Variants in DCDC2C observed in about 807,000 individuals in gnomAD.
DCDC2C encodes doublecortin domain containing 2C.
In DCDC2C, 44 loss-of-function variants were observed where a neutral mutation model predicts 45.0. The ratio of observed to expected loss-of-function variants is 0.98; its 90% CI spans 0.77 to 1.26. DCDC2C has a LOEUF of 1.26. DCDC2C is among the 50% of genes most tolerant of loss of function. The pLI, the probability that DCDC2C is intolerant of heterozygous loss-of-function variation, is 0.00. For synonymous variants in DCDC2C, 187 were observed against 178.8 expected, an observed-to-expected ratio of 1.05 and a Z score of -0.37; for missense variants, 447 against 468.9, an observed-to-expected ratio of 0.95 and a Z score of 0.43.
intron 9 of DCDC2C, among the ~76,000 whole-genome samples, chr2:3,784,749 G>GT (rs1670606679): frequency 6.6e-6 from 1 of 152,004 alleles, no homozygotes; most frequent in East Asian, 1.9e-4. Context: ...GTTATATTAA[G>GT]TGAAAAAAAA....
chr2:3,762,916 G>A (rs532613997), intron 6 of DCDC2C, among the ~76,000 whole-genome samples: 98 of 152,240 alleles, frequency 6.4e-4, no homozygotes, highest in African/African-American at 2.2e-3. Flanking sequence ...AACAGCAAGC[G>A]TGTGTGAGGC....
intron 2 of DCDC2C, among the ~76,000 whole-genome samples, chr2:3,719,249 T>C (rs1668429776): frequency 6.6e-6 from 1 of 152,096 alleles, no homozygotes; most frequent in South Asian, 2.1e-4. Context: ...CCATGCCAGC[T>C]AATTTTTTTG....
rs1486047534 is a variant in DCDC2C, at chr2:3,704,753, G to A, written c.287+715G>A. On this transcript the variant is annotated intron_variant, in intron 1 of 10. Coordinates refer to ENST00000399143, the MANE Select transcript of DCDC2C (RefSeq NM_001287444.2). ...GGGAGGGGCGTGGGGGGCAGGGCCT[G>A]GGAATGGGGCGGGTTGGGCAGTTCC... is the stretch of plus-strand genomic sequence containing the variant. Among the ~76,000 whole-genome samples, 3 of 148,468 alleles carry A rather than the reference G, an allele frequency of 2.0e-5. 1 individual carries two copies. The South Asian group carries it at 6.6e-4, about 33-fold the overall frequency.
chr2:3,723,707 G>A (rs1668557619), intron 2 of DCDC2C, among the ~76,000 whole-genome samples: 1 of 152,182 alleles, frequency 6.6e-6, no homozygotes, highest in Admixed American at 6.5e-5. Flanking sequence ...AGATGGTGGA[G>A]GCAGTGAGGA....
chr2:3,750,661 C>T (rs536872693), intron 4 of DCDC2C, among the ~76,000 whole-genome samples: 1 of 152,162 alleles, frequency 6.6e-6, no homozygotes, highest in Non-Finnish European at 1.5e-5. Flanking sequence ...AGGATGCTGT[C>T]TGTGACCTTG....
At chr2:3,838,869 C>T (rs1672144760) in intron 10 of DCDC2C, among the ~76,000 whole-genome samples, 1 of 152,166 alleles carries the variant, frequency 6.6e-6, no homozygotes, top group African/African-American at 2.4e-5. Flanking sequence ...AGTTCTTATT[C>T]CCTATTGCTA....
chr2:3,736,453 C>T (rs1271983315), intron 3 of DCDC2C, among the ~76,000 whole-genome samples: 1 of 152,100 alleles, frequency 6.6e-6, no homozygotes, highest in Non-Finnish European at 1.5e-5. Flanking sequence ...TGGTGGAGTC[C>T]CCTTCAGGTT....
chr2:3,836,537 A>T (rs1382789020), intron 10 of DCDC2C, among the ~76,000 whole-genome samples: 1 of 152,204 alleles, frequency 6.6e-6, no homozygotes, highest in Non-Finnish European at 1.5e-5. Context: ...ATGATTTTGT[A>T]AGGTGTTAGC....
chr2:3,780,955 C>G (rs1288515976), intron 9 of DCDC2C, among the ~76,000 whole-genome samples: 1 of 152,172 alleles, frequency 6.6e-6, no homozygotes, highest in Non-Finnish European at 1.5e-5. Flanking sequence ...CACACTGTGT[C>G]CCTCGTAGAT....
At chr2:3,770,300 A>G (rs1670129378) in intron 8 of DCDC2C, among the ~76,000 whole-genome samples, 1 of 152,238 alleles carries the variant, frequency 6.6e-6, no homozygotes, top group Non-Finnish European at 1.5e-5. Flanking sequence ...CCTGGTATCC[A>G]GCAAACTTTT....
chr2:3,822,813 T>C (rs1412959512), intron 10 of DCDC2C, among the ~76,000 whole-genome samples: 1 of 152,104 alleles, frequency 6.6e-6, no homozygotes, highest in Non-Finnish European at 1.5e-5. Flanking sequence ...TCTCATCTTG[T>C]ATTCTCATGT....
rs954751874 is a variant in DCDC2C at position 3,734,011 on chromosome 2, T to C, written c.416+6932T>C. Among the ~76,000 whole-genome samples, 1 of 152,242 alleles carries C rather than the reference T, an allele frequency of 6.6e-6. No individual in the cohort carries two copies. The highest frequency in any genetic ancestry group is 6.5e-5 in the Admixed American group (1 of 15,286). On this transcript the variant is annotated intron_variant, in intron 3 of 10. Coordinates refer to ENST00000399143, the MANE Select transcript of DCDC2C (RefSeq NM_001287444.2). The surrounding 1 kb of genome is among the most constrained non-coding windows in gnomAD (Gnocchi z 4.2). Reference sequence around the variant, plus strand: ...TCCCAAGTGTCATCTGATTTCTTTATGCCGTATCCCTCAGTTTTAATAAGA... The same window carrying C: ...TCCCAAGTGTCATCTGATTTCTTTACGCCGTATCCCTCAGTTTTAATAAGA...
At chr2:3,787,046 T>A (rs1670675304) in intron 10 of DCDC2C, among the ~76,000 whole-genome samples, 1 of 152,220 alleles carries the variant, frequency 6.6e-6, no homozygotes, top group African/African-American at 2.4e-5. Flanking sequence ...GAAATCAGTG[T>A]AATCCATTTG....
intron 4 of DCDC2C, among the ~76,000 whole-genome samples, chr2:3,743,732 G>A (rs1380016220): frequency 6.6e-6 from 1 of 152,158 alleles, no homozygotes; most frequent in Non-Finnish European, 1.5e-5. Flanking sequence ...GAATTTATGG[G>A]ATTCAGCAAA....
chr2:3,766,531 T>C (rs1037563968), intron 6 of DCDC2C, among the ~76,000 whole-genome samples: 4 of 152,166 alleles, frequency 2.6e-5, no homozygotes, highest in African/African-American at 9.7e-5. Flanking sequence ...TTTCAGCTCG[T>C]AGGAAAACTC....
At chr2:3,778,708 C>G in intron 8 of DCDC2C, 108 bp from the exon 9 acceptor site, 2 of 993,730 alleles carry the variant, frequency 2.0e-6, no homozygotes, top group East Asian at 2.6e-5. Flanking sequence ...TTCCCCAGCT[C>G]TACCCATAGA....
At chr2:3,795,815 T>G (rs1346052375) in intron 10 of DCDC2C, among the ~76,000 whole-genome samples, 1 of 136,828 alleles carries the variant, frequency 7.3e-6, no homozygotes. Context: ...GCCTCCAGCT[T>G]TGTTCTTTTG....
At chr2:3,727,389 A>G (rs1668721288) in intron 3 of DCDC2C, among the ~76,000 whole-genome samples, 2 of 152,210 alleles carry the variant, frequency 1.3e-5, no homozygotes, top group African/African-American at 4.8e-5. Context: ...TAAGAGCATC[A>G]TACACACAGC....
At chr2:3,799,903 G>A (rs1671067709) in intron 10 of DCDC2C, among the ~76,000 whole-genome samples, 1 of 152,248 alleles carries the variant, frequency 6.6e-6, no homozygotes, top group Non-Finnish European at 1.5e-5. Flanking sequence ...CACCCAGTTC[G>A]AGCTTCCCAG....
Sources: allele counts gnomAD v4.1 joint callset (sites outside exome capture counted in the v4.1 genomes callset), GRCh38; gene constraint gnomAD v4.1.1; non-coding constraint Gnocchi (gnomAD v3.1); transcripts MANE v1.5; gene names NCBI Gene and HGNC (gene_info 2026-07-23, HGNC 2026-07-21).